The following BORA variants were observed in gnomAD, a reference collection of about 807,000 sequenced individuals.
BORA encodes the protein protein aurora borealis.
In BORA, 26 loss-of-function variants were observed where a neutral mutation model predicts 55.8. The ratio of observed to expected loss-of-function variants is 0.47; its 90% CI spans 0.34 to 0.65. The LOEUF (loss-of-function observed/expected upper bound fraction) is 0.65, where lower values mean the gene tolerates loss of function less well. Ranked by LOEUF, BORA falls within the 30% of genes least tolerant of loss-of-function variation. The pLI is 0.01. For missense variants in BORA, 568 were observed against 671.5 expected (o/e 0.85, Z 1.70); for synonymous variants, 201 against 216.9 (o/e 0.93, Z 0.64).
At chr13:72,734,936 T>C (rs1336457256) in intron 3 of BORA, 24 bp from the exon 4 acceptor site, 2 of 1,504,884 alleles carry the variant, frequency 1.3e-6, no homozygotes, top group Non-Finnish European at 1.8e-6. Flanking sequence ...AGCATGGTTA[T>C]TTTTCTTCTT....
intron 10 of BORA, among the ~76,000 whole-genome samples, chr13:72,750,690 G>C (rs964489936): frequency 2.6e-5 from 4 of 152,042 alleles, no homozygotes; most frequent in African/African-American, 9.7e-5. Flanking sequence ...ATTATTAATA[G>C]GTATCAGTCA....
At chr13:72,742,045 A>G (rs2033042941) in intron 5 of BORA, among the ~76,000 whole-genome samples, 1 of 152,200 alleles carries the variant, frequency 6.6e-6, no homozygotes, top group Non-Finnish European at 1.5e-5. Context: ...AGTATTGATT[A>G]CATCTGCCTT....
At chr13:72,743,952 G>T (rs566010311) in intron 6 of BORA, among the ~76,000 whole-genome samples, 2 of 152,058 alleles carry the variant, frequency 1.3e-5, no homozygotes, top group Admixed American at 6.5e-5. Context: ...GCCCAGGCTG[G>T]TCTCGAACTC....
chr13:72,748,767 A>G (rs2033204924), intron 10 of BORA, among the ~76,000 whole-genome samples: 1 of 151,600 alleles, frequency 6.6e-6, no homozygotes, highest in Non-Finnish European at 1.5e-5. Flanking sequence ...TCTTTTTTAT[A>G]TAGAGGAATT....
chr13:72,754,504 T>C (rs1403169659), intron 11 of BORA: 1 of 151,952 alleles, frequency 6.6e-6, no homozygotes, highest in East Asian at 1.9e-4. Context: ...TAAAATACTA[T>C]AAATATCAGC....
chr13:72,747,553 AG>A (rs1169741832), intron 10 of BORA, among the ~76,000 whole-genome samples: 4 of 150,484 alleles, frequency 2.7e-5, no homozygotes, highest in South Asian at 2.1e-4. Flanking sequence ...TTTTTTTTTG[AG>A]ATGGGGTCTC....
chr13:72,740,238 T>C (rs2033009260), intron 5 of BORA, among the ~76,000 whole-genome samples: 1 of 152,158 alleles, frequency 6.6e-6, no homozygotes, highest in South Asian at 2.1e-4. Context: ...TTCTTGGCAC[T>C]TGGGAGCAAA....
At chr13:72,749,309 AG>A (rs1566228560) in intron 10 of BORA, among the ~76,000 whole-genome samples, 1 of 152,040 alleles carries the variant, frequency 6.6e-6, no homozygotes, top group Non-Finnish European at 1.5e-5. Flanking sequence ...CTTTGTCTAC[AG>A]GGTTCTGAAA....
intron 5 of BORA, among the ~76,000 whole-genome samples, chr13:72,743,049 A>G (rs896730223): frequency 2.6e-5 from 4 of 152,114 alleles, no homozygotes; most frequent in Admixed American, 2.0e-4. Flanking sequence ...CAAAGGGTAC[A>G]AAGTTTCAGT....
At chr13:72,731,194 C>A in intron 2 of BORA, 87 bp from the exon 3 acceptor site, 1 of 758,788 alleles carries the variant, frequency 1.3e-6, no homozygotes, top group South Asian at 1.7e-5. Context: ...CATATTATAA[C>A]CATTCATATT....
intron 10 of BORA, among the ~76,000 whole-genome samples, chr13:72,751,251 A>G (rs1243743425): frequency 1.3e-5 from 2 of 152,316 alleles, no homozygotes; most frequent in South Asian, 2.1e-4. Flanking sequence ...ACTAGTAGGT[A>G]TATATCCAAA....
intron 10 of BORA, among the ~76,000 whole-genome samples, chr13:72,748,047 G>A (rs890315239): frequency 2.6e-5 from 4 of 152,132 alleles, no homozygotes; most frequent in African/African-American, 7.2e-5. Flanking sequence ...AATTTTGAAG[G>A]AACTTCTTTA....
At chr13:72,731,146 TA>T in intron 2 of BORA, 134 bp from the exon 3 acceptor site, 1 of 614,138 alleles carries the variant, frequency 1.6e-6, no homozygotes, top group South Asian at 2.1e-5. Flanking sequence ...AATTTCATGG[TA>T]AAGTCAAATT....
rs541717841 is a variant in BORA, at chr13:72,741,155, G to A, written c.389-2382G>A. Among the ~76,000 whole-genome samples, 5 of 152,170 alleles carry A rather than the reference G, an allele frequency of 3.3e-5. No individual in the cohort carries two copies. The East Asian group carries it at 5.8e-4, about 18-fold the overall frequency. On this transcript the variant is annotated intron_variant, in intron 5 of 11. Coordinates refer to ENST00000390667, the MANE Select transcript of BORA (RefSeq NM_024808.5). The stretch of plus-strand genomic sequence containing the variant: ...GTGAGAATTTCCCTGGGATATATAC[G>A]CAGGTAGAGGATTTCTGAGTTATAG...
At chr13:72,742,765 T>TACAC (rs1198007155) in intron 5 of BORA, among the ~76,000 whole-genome samples, 16 of 54,032 alleles carry the variant, frequency 3.0e-4, no homozygotes, top group Admixed American at 5.3e-4. Flanking sequence ...TATATATATA[T>TACAC]ATACACACAC....
At chr13:72,729,375 C>T (rs2032762127) in intron 2 of BORA, among the ~76,000 whole-genome samples, 1 of 152,006 alleles carries the variant, frequency 6.6e-6, no homozygotes, top group South Asian at 2.1e-4. Context: ...GCTACTAATA[C>T]ATTAGAGAAG....
At chr13:72,728,634 C>A (rs952656070) in intron 1 of BORA, among the ~76,000 whole-genome samples, 1 of 152,196 alleles carries the variant, frequency 6.6e-6, no homozygotes, top group Non-Finnish European at 1.5e-5. Context: ...AGAGGCAGAT[C>A]TGAATTCATT....
At chr13:72,752,747 T>G (rs2138110036) in intron 10 of BORA, 1 of 148,190 alleles carries the variant, frequency 6.7e-6, no homozygotes, top group East Asian at 2.1e-4. Flanking sequence ...CCTTGAAATC[T>G]GGGAACATTT....
At chr13:72,731,424 C>A in intron 3 of BORA, 37 bp downstream of exon 3, 1 of 1,376,636 alleles carries the variant, frequency 7.3e-7, no homozygotes, top group Non-Finnish European at 1.0e-6. Context: ...TCTAATAACA[C>A]TCTCAAGTGA....
Sources: gnomAD v4.1 joint callset for allele counts (sites outside exome capture counted in the v4.1 genomes callset) on GRCh38, gnomAD v4.1.1 for gene constraint, MANE v1.5 for transcripts, NCBI Gene and HGNC (gene_info 2026-07-23, HGNC 2026-07-21) for gene names.